The following ADAM10 variants were observed in gnomAD, a reference collection of about 807,000 sequenced individuals.
The protein encoded by ADAM10 is disintegrin and metalloproteinase domain-containing protein 10.
Under a neutral mutation model 90.1 loss-of-function variants are expected in ADAM10, and 17 were observed. That is an observed-to-expected ratio of 0.19 (90% CI 0.13 to 0.28). The LOEUF is 0.28. Ranked by LOEUF, ADAM10 falls within the 10% of genes least tolerant of loss-of-function variation. The pLI, the probability that ADAM10 is intolerant of heterozygous loss-of-function variation, is 1.00. For synonymous variants in ADAM10, 310 were observed against 298.6 expected, an observed-to-expected ratio of 1.04 and a Z score of -0.40; for missense variants, 610 against 914.3, an observed-to-expected ratio of 0.67 and a Z score of 4.29.
At chr15:58,658,946 T>C (rs1441848319) in intron 5 of ADAM10, among the ~76,000 whole-genome samples, 2 of 152,158 alleles carry the variant, frequency 1.3e-5, no homozygotes, top group Non-Finnish European at 2.9e-5. Context: ...CTTATTATGG[T>C]GGCTAGGACT....
At chr15:58,666,301 TCTTA>T (rs1478757274) in intron 4 of ADAM10, among the ~76,000 whole-genome samples, 1 of 150,666 alleles carries the variant, frequency 6.6e-6, no homozygotes, top group Non-Finnish European at 1.5e-5. Flanking sequence ...TGCAGTGGTG[TCTTA>T]CTTACTTCAG....
At chr15:58,693,142 G>A (rs760200844) in intron 2 of ADAM10, 3 of 735,648 alleles carry the variant, frequency 4.1e-6, no homozygotes, top group East Asian at 5.1e-5. Flanking sequence ...GGCAATTTCT[G>A]CCTAAAAGGC....
At chr15:58,692,603 C>A in intron 2 of ADAM10, 1 of 557,386 alleles carries the variant, frequency 1.8e-6, no homozygotes. Context: ...TTCACTACTT[C>A]TTTGACCCAC....
At chr15:58,693,163 A>G (rs1280972136) in intron 2 of ADAM10, 1 of 728,566 alleles carries the variant, frequency 1.4e-6, no homozygotes, top group Admixed American at 1.7e-5. Flanking sequence ...AAAAGTCGCC[A>G]CCTCCCCTTC....
intron 2 of ADAM10, chr15:58,691,092 A>C: frequency 1.5e-6 from 1 of 653,254 alleles, no homozygotes; most frequent in South Asian, 1.4e-5. Context: ...GATCCACTTC[A>C]TATTGGCTAT....
At chr15:58,682,068 C>A in intron 3 of ADAM10, 128 bp downstream of exon 3, 1 of 1,288,334 alleles carries the variant, frequency 7.8e-7, no homozygotes, top group Non-Finnish European at 1.1e-6. Flanking sequence ...GACCATTACC[C>A]TTCATATGAA....
chr15:58,684,460 G>A (rs1407216284), intron 2 of ADAM10, among the ~76,000 whole-genome samples: 5 of 152,172 alleles, frequency 3.3e-5, no homozygotes, highest in African/African-American at 1.2e-4. Context: ...CCTAGCCACT[G>A]ACTCCACCCC....
chr15:58,681,644 G>A (rs1212861212), intron 3 of ADAM10, among the ~76,000 whole-genome samples: 1 of 152,146 alleles, frequency 6.6e-6, no homozygotes, highest in African/African-American at 2.4e-5. Flanking sequence ...AACACTACTA[G>A]TAGATGTAAC....
chr15:58,624,903 T>C (rs1433988021), intron 10 of ADAM10, among the ~76,000 whole-genome samples: 1 of 152,216 alleles, frequency 6.6e-6, no homozygotes, highest in African/African-American at 2.4e-5. Flanking sequence ...AAAATTTTCT[T>C]TCCTGTTAAT....
intron 2 of ADAM10, among the ~76,000 whole-genome samples, chr15:58,698,567 C>G (rs1191891923): frequency 8.3e-6 from 1 of 120,290 alleles, no homozygotes; most frequent in Non-Finnish European, 1.8e-5. Context: ...CAGAGTGAGA[C>G]CTTGTCTCAA....
intron 4 of ADAM10, among the ~76,000 whole-genome samples, chr15:58,673,760 A>T (rs1897251249): frequency 6.6e-6 from 1 of 150,804 alleles, no homozygotes; most frequent in Non-Finnish European, 1.5e-5. Context: ...TCTGAGACAG[A>T]GTCTCACTCT....
chr15:58,669,346 G>C (rs1897144362), intron 4 of ADAM10, among the ~76,000 whole-genome samples: 1 of 152,112 alleles, frequency 6.6e-6, no homozygotes, highest in Non-Finnish European at 1.5e-5. Context: ...TCAGTCATAT[G>C]ATCAATGACC....
intron 1 of ADAM10, among the ~76,000 whole-genome samples, chr15:58,720,102 C>CT (rs1413903961): frequency 4.5e-4 from 69 of 152,168 alleles, no homozygotes; most frequent in Non-Finnish European, 8.7e-4. Context: ...AATTATTTAA[C>CT]TTTTTTAAAT....
At chr15:58,730,929 T>C (rs1411095343) in intron 1 of ADAM10, among the ~76,000 whole-genome samples, 6 of 152,204 alleles carry the variant, frequency 3.9e-5, no homozygotes, top group African/African-American at 1.4e-4. Context: ...GCTTCCCTGG[T>C]TCCCAGACAT....
chr15:58,674,889 T>G (rs1451138485), intron 4 of ADAM10, among the ~76,000 whole-genome samples: 2 of 152,230 alleles, frequency 1.3e-5, no homozygotes, highest in African/African-American at 4.8e-5. Flanking sequence ...CCTACTACTA[T>G]AAGGTATAGA....
intron 3 of ADAM10, 119 bp from the exon 4 acceptor site, chr15:58,679,401 T>C: frequency 4.7e-6 from 4 of 842,414 alleles, no homozygotes; most frequent in South Asian, 4.7e-5. Flanking sequence ...TATACACATA[T>C]ATATGGTTAA....
intron 4 of ADAM10, among the ~76,000 whole-genome samples, chr15:58,677,255 C>A (rs1247052326): frequency 6.6e-6 from 1 of 152,140 alleles, no homozygotes; most frequent in East Asian, 1.9e-4. Flanking sequence ...AACCCCACTA[C>A]TGATATGTAA....
At chr15:58,673,856 T>A (rs1328799293) in intron 4 of ADAM10, among the ~76,000 whole-genome samples, 3 of 151,900 alleles carry the variant, frequency 2.0e-5, no homozygotes, top group African/African-American at 7.3e-5. Context: ...TGCCTCAGCC[T>A]CTCGAGTAGC....
At chr15:58,697,206 C>T (rs1898004448) in intron 2 of ADAM10, among the ~76,000 whole-genome samples, 1 of 152,206 alleles carries the variant, frequency 6.6e-6, no homozygotes, top group African/African-American at 2.4e-5. Context: ...CTGCCCCAAG[C>T]AGTGGAGCTA....
Sources: allele counts gnomAD v4.1 joint callset (sites outside exome capture counted in the v4.1 genomes callset), GRCh38; gene constraint gnomAD v4.1.1; transcripts MANE v1.5; gene names NCBI Gene and HGNC (gene_info 2026-07-23, HGNC 2026-07-21).